TENM2: variants seen among roughly 807,000 people sequenced by gnomAD.
The protein encoded by TENM2 is teneurin-2.
Under a neutral mutation model 245.2 loss-of-function variants are expected in TENM2, and 52 were observed. That is an observed-to-expected ratio of 0.21 (90% CI 0.17 to 0.27). The LOEUF (loss-of-function observed/expected upper bound fraction) is 0.27. TENM2 is among the 10% of genes least tolerant of loss of function. The pLI, the probability that TENM2 is intolerant of heterozygous loss-of-function variation, is 1.00. For synonymous variants in TENM2, 1,363 were observed against 1,438.9 expected (o/e 0.95, Z 1.19); for missense variants, 3,046 against 3,666.8 (o/e 0.83, Z 4.37).
chr5:167,344,395 T>C (rs2127823481), intron 1 of TENM2, among the ~76,000 whole-genome samples: 1 of 151,318 alleles, frequency 6.6e-6, no homozygotes, highest in East Asian at 2.0e-4. Context: ...CATGGCCATC[T>C]GAATTGCATT....
chr5:167,594,772 G>A (rs1379307911), intron 2 of TENM2, among the ~76,000 whole-genome samples: 6 of 152,256 alleles, frequency 3.9e-5, no homozygotes, highest in Non-Finnish European at 7.4e-5. Flanking sequence ...AGCGGGGATT[G>A]TCTGTCTTCG....
At chr5:167,027,545 A>C in the TENM2 span, among the ~76,000 whole-genome samples, 9 of 152,244 alleles carry the variant, frequency 5.9e-5, no homozygotes, top group African/African-American at 2.2e-4. Context: ...TTGGAAAATT[A>C]TGCCATTGGT....
At chr5:167,336,986 G>A (rs548147021) in intron 1 of TENM2, among the ~76,000 whole-genome samples, 106 of 150,072 alleles carry the variant, frequency 7.1e-4, no homozygotes, top group East Asian at 6.8e-3. Context: ...GCGCGGTGGC[G>A]GGCGCCTGTA....
intron 2 of TENM2, among the ~76,000 whole-genome samples, chr5:167,784,805 T>A (rs1194123908): frequency 1.3e-5 from 2 of 152,224 alleles, no homozygotes; most frequent in East Asian, 1.9e-4. Flanking sequence ...TGTACCCGTA[T>A]CTCATCAGAA....
intron 8 of TENM2, among the ~76,000 whole-genome samples, chr5:168,096,455 T>C (rs181733470): frequency 1.6e-3 from 246 of 152,354 alleles, no homozygotes; most frequent in Non-Finnish European, 2.4e-3. Flanking sequence ...GGAAACTGGC[T>C]TGATGGGGCC....
intron 2 of TENM2, among the ~76,000 whole-genome samples, chr5:167,486,242 A>G (rs1225158744): frequency 6.6e-6 from 1 of 152,136 alleles, no homozygotes; most frequent in Non-Finnish European, 1.5e-5. Context: ...TATAAATAAA[A>G]CAATAGAACT....
chr5:167,519,855 C>T lies in TENM2; in HGVS notation c.502+144382C>T, dbSNP rs565005961. Among the ~76,000 whole-genome samples the T allele has an allele frequency of 3.3e-5, 5 of 152,204 alleles. No homozygotes were observed. In the South Asian group the frequency reaches 1.0e-3, roughly 32 times the overall value. Reference sequence around the variant, plus strand: ...GTCAGTTCGGATTTATATTGGCACTCCAAGAACCGATGTCAAACTAAATTT... The same window carrying T: ...GTCAGTTCGGATTTATATTGGCACTTCAAGAACCGATGTCAAACTAAATTT... On this transcript the variant is annotated intron_variant, in intron 2 of 28. Coordinates refer to ENST00000518659, the Ensembl canonical transcript of TENM2.
upstream of TENM2, among the ~76,000 whole-genome samples, chr5:167,284,295 T>C (rs2127708272): frequency 6.6e-6 from 1 of 152,360 alleles, no homozygotes; most frequent in East Asian, 1.9e-4. Flanking sequence ...AGCACATATT[T>C]ATGCCTTATG....
chr5:167,042,087 T>A, the TENM2 span, among the ~76,000 whole-genome samples: 3 of 152,218 alleles, frequency 2.0e-5, no homozygotes, highest in African/African-American at 7.2e-5. Flanking sequence ...TTATTACCCG[T>A]TAATTTCCTT....
intron 2 of TENM2, among the ~76,000 whole-genome samples, chr5:167,438,250 T>C (rs1343332363): frequency 6.6e-6 from 1 of 152,218 alleles, no homozygotes; most frequent in African/African-American, 2.4e-5. Flanking sequence ...TGATGTGCCT[T>C]TTTTTGCTTA....
At chr5:167,610,269 T>G (rs2127748049) in intron 2 of TENM2, among the ~76,000 whole-genome samples, 1 of 152,162 alleles carries the variant, frequency 6.6e-6, no homozygotes, top group Admixed American at 6.5e-5. Flanking sequence ...CGTGTGTACA[T>G]CTATCTAGAA....
chr5:167,906,397 A>G (rs1317974968), intron 3 of TENM2, among the ~76,000 whole-genome samples: 1 of 152,170 alleles, frequency 6.6e-6, no homozygotes, highest in Admixed American at 6.5e-5. Context: ...AGCAAGCCGC[A>G]CCAGGGAGCT....
chr5:167,069,931 A>G, the TENM2 span, among the ~76,000 whole-genome samples: 1 of 152,140 alleles, frequency 6.6e-6, no homozygotes, highest in Admixed American at 6.5e-5. Flanking sequence ...TTTAATTAAT[A>G]AGGTATTTAA....
At chr5:167,521,096 G>A (rs1018698604) in intron 2 of TENM2, among the ~76,000 whole-genome samples, 8 of 151,934 alleles carry the variant, frequency 5.3e-5, no homozygotes, top group African/African-American at 1.9e-4. Context: ...GAGAGACTGA[G>A]GTTGGGGTTG....
rs118058759 is a variant in TENM2 at position 167,704,717 on chromosome 5, C to T, written c.503-171269C>T. On this transcript the variant is annotated intron_variant, in intron 2 of 28. Transcript: ENST00000518659. ...ACCTTATGTGGGTTAACTGGTTTTG[C>T]GTTTTTTGGCTGTGTTGATGGAGTT... 1.7e-4 allele frequency among the ~76,000 whole-genome samples: 26 copies of T among 152,226 alleles called. 1 individual carries two copies. In the East Asian group the frequency reaches 3.7e-3, roughly 22 times the overall value.
At position 167,612,441 on chromosome 5, in the gene TENM2, A is replaced by T. The variant is rs55649957; in HGVS notation, c.502+236968A>T. Among the ~76,000 whole-genome samples the T allele has an allele frequency of 7.4e-3, 1,124 of 151,840 alleles. 15 individuals are homozygous for T. The highest frequency in any genetic ancestry group is 0.051 in the South Asian group (245 of 4,806). On this transcript the variant is annotated intron_variant, in intron 2 of 28. Transcript: ENST00000518659. ...TCTAGGCATACTGCATGATTTTTTTAAAAAAAAGGCTCAGGAATGTGACCC... is the reference window on the plus strand; with the variant it reads ...TCTAGGCATACTGCATGATTTTTTTTAAAAAAAGGCTCAGGAATGTGACCC...
intron 2 of TENM2, among the ~76,000 whole-genome samples, chr5:167,475,084 T>C (rs971791549): frequency 6.6e-6 from 1 of 152,204 alleles, no homozygotes; most frequent in Non-Finnish European, 1.5e-5. Context: ...CACAAATATA[T>C]GCAATATTTG....
At chr5:167,924,328 A>G (rs1777587088) in intron 3 of TENM2, among the ~76,000 whole-genome samples, 1 of 152,208 alleles carries the variant, frequency 6.6e-6, no homozygotes, top group African/African-American at 2.4e-5. Context: ...ATTTCTGTCC[A>G]TGAGCGCTTG....
intron 10 of TENM2, among the ~76,000 whole-genome samples, chr5:168,122,283 A>T (rs907645605): frequency 4.6e-5 from 7 of 151,686 alleles, no homozygotes; most frequent in African/African-American, 1.2e-4. Context: ...TTCACACCAT[A>T]CTCCTGCCTC....
Sources: allele counts gnomAD v4.1 joint callset (sites outside exome capture counted in the v4.1 genomes callset), GRCh38; gene constraint gnomAD v4.1.1; transcripts MANE v1.5; gene names NCBI Gene and HGNC (gene_info 2026-07-23, HGNC 2026-07-21).